SPCS1: variants seen among roughly 807,000 people sequenced by gnomAD.
The protein encoded by SPCS1 is signal peptidase complex subunit 1.
SPCS1 carries 10 observed loss-of-function variants against 16.4 expected under a neutral mutation model. That is an observed-to-expected ratio of 0.61 (90% CI 0.38 to 1.03). The LOEUF is 1.03. Among genes scored for constraint, SPCS1 ranks in the 50% least tolerant of loss-of-function variants. The probability of loss-of-function intolerance (pLI) is 0.01; values close to 1 mark genes in which losing one functional copy is unlikely to be tolerated. For missense variants in SPCS1, 118 were observed against 123.8 expected (o/e 0.95, Z 0.22); for synonymous variants, 47 against 42.5 (o/e 1.10, Z -0.41).
rs755586822 is a variant in SPCS1, at chr3:52,709,399, G to A, written c.*1587G>A. On this transcript the variant is annotated 3_prime_UTR_variant, in exon 4 of 4. Coordinates refer to ENST00000619898, the MANE Select transcript of SPCS1 (RefSeq NM_014041.5). The stretch of plus-strand genomic sequence containing the variant: ...TAAACAAAATAAAAATATACAGTAT[G>A]GTAATTAATAAGAAAGTATGGGGGA... 4.6e-5 allele frequency: 7 copies of A among 151,974 alleles called. No homozygotes were observed. The highest frequency in any genetic ancestry group is 8.8e-5 in the Non-Finnish European group (6 of 67,980). The allele number at this position is 151,974 out of a possible 1,614,324, so 9.4% of individuals were successfully genotyped here.
intron 1 of SPCS1, 111 bp downstream of exon 1, chr3:52,706,393 C>T (rs561124123): frequency 5.4e-5 from 65 of 1,195,184 alleles, no homozygotes; most frequent in Non-Finnish European, 7.4e-5. Context: ...GGATGGTTAC[C>T]GTCCACCCTC....
chr3:52,706,954 T>A, intron 3 of SPCS1, 75 bp downstream of exon 3: 1 of 1,048,780 alleles, frequency 9.5e-7, no homozygotes, highest in Non-Finnish European at 1.5e-6. Context: ...TACTCAGTAG[T>A]GAGACCCAAA....
Position 52,706,859 on chromosome 3 carries a change from G to A in SPCS1, c.163G>A (p.Gly55Arg), listed in dbSNP as rs908255531. ...GTGGACTGTCTATATAGTTATGGCC[G>A]GATTTGCTTTTTCATGTTTGGTAAG... ...FGWTVYIVMA[G>R]FAFSCLLTLP... Residue 55 changes from glycine (G) to arginine (R), a missense_variant, in exon 3 of 4, where the codon GGA (glycine) becomes AGA (arginine). Coordinates refer to ENST00000619898, the MANE Select transcript of SPCS1 (RefSeq NM_014041.5). The A allele has an allele frequency of 2.5e-6, 4 of 1,613,782 alleles. No homozygotes were observed. The highest frequency in any genetic ancestry group is 3.4e-6 in the Non-Finnish European group (4 of 1,179,850).
In SPCS1 at chr3:52,706,826, C is replaced by T; in HGVS notation, c.130C>T (p.Gln44Ter). ...VGFIYGYVAE[Q>*]FGWTVYIVMA... ...ATTTATCTACGGGTACGTGGCTGAA[C>T]AGTTCGGGTGGACTGTCTATATAGT... The change falls in exon 3 of 4, where the codon CAG becomes TAG. Residue 44 changes from glutamine to a stop codon, truncating the protein, a stop_gained. Coordinates refer to ENST00000619898, the MANE Select transcript of SPCS1 (RefSeq NM_014041.5). LOFTEE classifies it high-confidence loss of function. 6.2e-7 allele frequency: 1 copy of T among 1,614,060 alleles called. No homozygotes were observed.
Position 52,708,900 on chromosome 3 carries a change from T to C in SPCS1, c.*1088T>C, listed in dbSNP as rs1363868918. On this transcript the variant is annotated 3_prime_UTR_variant, in exon 4 of 4. Transcript: ENST00000619898. ...AAACCGAAATCAGAATTACTGACAC[T>C]TTAGGCCAGGCATGGTGCCTCAAGC... is the stretch of plus-strand genomic sequence containing the variant. 1 of 152,154 alleles carries C rather than the reference T, an allele frequency of 6.6e-6. No homozygotes were observed. The highest frequency in any genetic ancestry group is 1.5e-5 in the Non-Finnish European group (1 of 68,028). The allele number at this position is 152,154 out of a possible 1,614,324, so 9.4% of individuals were successfully genotyped here. A position where few individuals can be genotyped will look rare whatever the true frequency, so the allele number is the denominator to read the frequency against.
chr3:52,707,367 A>C (rs531126545), intron 3 of SPCS1: 1 of 236,516 alleles, frequency 4.2e-6, no homozygotes, highest in Admixed American at 5.1e-5. Flanking sequence ...ACAGGGCTTC[A>C]CTGTGTTGGC....
rs1578600533 is a variant in SPCS1, at chr3:52,706,627, C to T, written c.37-17C>T. 3 of 1,611,824 alleles carry T rather than the reference C, an allele frequency of 1.9e-6. No homozygotes were observed. The highest frequency in any genetic ancestry group is 1.3e-5 in the African/African-American group (1 of 74,806). On this transcript the variant is annotated splice_polypyrimidine_tract_variant and intron_variant, in intron 1 of 3. Coordinates refer to ENST00000619898, the MANE Select transcript of SPCS1 (RefSeq NM_014041.5). Reference sequence around the variant, plus strand: ...CGGCGGTGGAACCAATTCTTTTTTTCCTCTGCTTCACCCCAGGATTACAAG... The same window carrying T: ...CGGCGGTGGAACCAATTCTTTTTTTTCTCTGCTTCACCCCAGGATTACAAG...
Position 52,706,140 on chromosome 3 carries a change from C to G in SPCS1, c.-107C>G. 6.5e-7 allele frequency: 1 copy of G among 1,541,452 alleles called. No homozygotes were observed. The highest frequency in any genetic ancestry group is 8.7e-7 in the Non-Finnish European group (1 of 1,147,258). ...GCTCTCCCGGGCTTAGAAGGCCCGG[C>G]TACTGACGCGCAGTGCCAGACCTTA... On this transcript the variant is annotated 5_prime_UTR_variant, in exon 1 of 4. Coordinates refer to ENST00000619898, the MANE Select transcript of SPCS1 (RefSeq NM_014041.5).
At chr3:52,707,158 T>TTTTA (rs946694077) in intron 3 of SPCS1, 6 of 311,226 alleles carry the variant, frequency 1.9e-5, no homozygotes, top group African/African-American at 1.1e-4. Flanking sequence ...TCCCTTCACC[T>TTTTA]TTTATTTATT....
intron 3 of SPCS1, 55 bp from the exon 4 acceptor site, chr3:52,707,632 G>T (rs1378374408): frequency 1.3e-6 from 2 of 1,574,902 alleles, no homozygotes; most frequent in Non-Finnish European, 8.6e-7. Context: ...TATACGTAAT[G>T]ATTTTTTAAA....
At chr3:52,707,130 T>C in intron 3 of SPCS1, 1 of 486,084 alleles carries the variant, frequency 2.1e-6, no homozygotes, top group South Asian at 2.5e-5. Flanking sequence ...AGCAGGAGTT[T>C]TCATGGTGCT....
intron 3 of SPCS1, 56 bp from the exon 4 acceptor site, chr3:52,707,631 T>G: frequency 1.3e-6 from 2 of 1,576,630 alleles, no homozygotes; most frequent in East Asian, 4.5e-5. Flanking sequence ...TTATACGTAA[T>G]GATTTTTTAA....
chr3:52,710,208 C>CA lies in SPCS1; in HGVS notation c.*2403dup, dbSNP rs11428497. On this transcript the variant is annotated 3_prime_UTR_variant, in exon 4 of 4. Coordinates refer to ENST00000619898, the MANE Select transcript of SPCS1 (RefSeq NM_014041.5). The stretch of plus-strand genomic sequence containing the variant: ...AAACCCTGTCTCTACTAAAAAAATA[C>CA]AAAAAAATTAGCCGGGCATGGTGGC... 51,308 of 151,420 alleles carry CA rather than the reference C, an allele frequency of 0.34. 9,687 individuals are homozygous for CA. The highest frequency in any genetic ancestry group is 0.46 in the Admixed American group (7,000 of 15,198). The allele number at this position is 151,420 out of a possible 1,614,324, so 9.4% of individuals were successfully genotyped here.
rs1319862563 is a variant in SPCS1 at position 52,709,360 on chromosome 3, GAAGAA to G, written c.*1553_*1557del. ...ACTCAAGTAAAAACGATAAAAGTGG[GAAGAA>G]AAGATGTTTAAACAAAATAAAAATA... On this transcript the variant is annotated 3_prime_UTR_variant, in exon 4 of 4. Coordinates refer to ENST00000619898, the MANE Select transcript of SPCS1 (RefSeq NM_014041.5). The G allele has an allele frequency of 6.6e-6, 1 of 151,956 alleles. No homozygotes were observed. Among genetic ancestry groups the G allele is most frequent in the African/African-American group, 2.4e-5 (1 of 41,332 alleles). 9.4% of individuals were successfully genotyped at this position (151,956 alleles called of 1,614,324 possible). A position where few individuals can be genotyped will look rare whatever the true frequency, so the allele number is the denominator to read the frequency against.
intron 2 of SPCS1, 35 bp from the exon 3 acceptor site, chr3:52,706,758 T>C: frequency 1.2e-6 from 2 of 1,602,308 alleles, no homozygotes; most frequent in Non-Finnish European, 1.7e-6. Flanking sequence ...CAACCCTCAG[T>C]TTGAGTGTGT....
rs1264393326 is a variant in SPCS1, at chr3:52,708,670, G to A, written c.*858G>A. The A allele has an allele frequency of 6.6e-6, 1 of 151,966 alleles. No homozygotes were observed. Among genetic ancestry groups the A allele is most frequent in the African/African-American group, 2.4e-5 (1 of 41,376 alleles). The allele number at this position is 151,966 out of a possible 1,614,324, so 9.4% of individuals were successfully genotyped here. ...CTTGAATAAAATTTAATAGACAAGT[G>A]ATTTTGTATTTAACATTTCACCTTT... On this transcript the variant is annotated 3_prime_UTR_variant, in exon 4 of 4. Coordinates refer to ENST00000619898, the MANE Select transcript of SPCS1 (RefSeq NM_014041.5).
At chr3:52,706,408 C>T in intron 1 of SPCS1, 126 bp downstream of exon 1, 1 of 1,066,054 alleles carries the variant, frequency 9.4e-7, no homozygotes, top group Non-Finnish European at 1.3e-6. Flanking sequence ...ACCCTCTTTC[C>T]CGAATTGCCT....
At chr3:52,706,387 G>A (rs1445918842) in intron 1 of SPCS1, 105 bp downstream of exon 1, 1 of 1,264,924 alleles carries the variant, frequency 7.9e-7, no homozygotes, top group Non-Finnish European at 1.1e-6. Flanking sequence ...GGGCCCGGAT[G>A]GTTACCGTCC....
chr3:52,709,477 CAGG>C lies in SPCS1; in HGVS notation c.*1670_*1672del, dbSNP rs978678171. On this transcript the variant is annotated 3_prime_UTR_variant, in exon 4 of 4. Coordinates refer to ENST00000619898, the MANE Select transcript of SPCS1 (RefSeq NM_014041.5). ...ATCCCAGCACTTTCAGAGGCCGATG[CAGG>C]AGGACTGCTTGAATGCAGTTTGAGA... 5.3e-5 allele frequency: 8 copies of C among 151,378 alleles called. No individual in the cohort carries two copies. Among genetic ancestry groups the C allele is most frequent in the African/African-American group, 1.7e-4 (7 of 41,162 alleles). 9.4% of individuals were successfully genotyped at this position (151,378 alleles called of 1,614,324 possible). A position where few individuals can be genotyped will look rare whatever the true frequency, so the allele number is the denominator to read the frequency against.
Sources: gnomAD v4.1 joint callset for allele counts on GRCh38, gnomAD v4.1.1 for gene constraint, MANE v1.5 for transcripts, NCBI Gene and HGNC (gene_info 2026-07-23, HGNC 2026-07-21) for gene names.